The following TRPC3 variants were observed in gnomAD, a reference collection of about 807,000 sequenced individuals.
The protein encoded by TRPC3 is transient receptor potential cation channel subfamily C member 3.
TRPC3 carries 54 observed loss-of-function variants against 90.9 expected under a neutral mutation model. That is an observed-to-expected ratio of 0.59 (90% CI 0.48 to 0.75). TRPC3 has a LOEUF of 0.75. Among genes scored for constraint, TRPC3 ranks in the 30% least tolerant of loss-of-function variants. TRPC3 has a pLI of 0.00. For synonymous variants in TRPC3, 424 were observed against 450.9 expected, an observed-to-expected ratio of 0.94 and a Z score of 0.75; for missense variants, 918 against 1,194.5, an observed-to-expected ratio of 0.77 and a Z score of 3.41.
chr4:121,915,899 G>T (rs1729300769), intron 3 of TRPC3, among the ~76,000 whole-genome samples: 1 of 152,054 alleles, frequency 6.6e-6, no homozygotes, highest in East Asian at 1.9e-4. Flanking sequence ...TCCAAGCTCA[G>T]GAATTCAAAA....
intron 3 of TRPC3, among the ~76,000 whole-genome samples, chr4:121,921,864 A>G (rs1729524404): frequency 1.3e-5 from 2 of 149,232 alleles, no homozygotes; most frequent in African/African-American, 4.9e-5. Context: ...GAGAATGAAG[A>G]TGGGTGAGTG....
At chr4:121,944,116 C>G (rs997911596) in intron 1 of TRPC3, among the ~76,000 whole-genome samples, 1 of 152,104 alleles carries the variant, frequency 6.6e-6, no homozygotes, top group African/African-American at 2.4e-5. Context: ...TATGTGTTCA[C>G]CCAGCACAGC....
chr4:121,922,302 T>G (rs963783965), intron 3 of TRPC3, among the ~76,000 whole-genome samples: 1 of 152,174 alleles, frequency 6.6e-6, no homozygotes. Flanking sequence ...CTTACACACA[T>G]TTATTATTCT....
In TRPC3 at chr4:121,875,924, G is replaced by T. The variant is rs1233503969; in HGVS notation, c.*3812C>A. On this transcript the variant is annotated 3_prime_UTR_variant, in exon 12 of 12. Transcript: ENST00000379645. ...TTTTTTTTTTTTTTTTTTGTGGGGGGTGGTTCACTTTGTCACCCAGGCTGG... is the reference window on the plus strand; with the variant it reads ...TTTTTTTTTTTTTTTTTTGTGGGGGTTGGTTCACTTTGTCACCCAGGCTGG... Among the ~76,000 whole-genome samples the T allele has an allele frequency of 2.3e-5, 3 of 131,092 alleles. No individual in the cohort carries two copies. The Admixed American group carries it at 2.5e-4, about 11-fold the overall frequency. The allele number at this position is 131,092 out of a possible 152,430, so 86.0% of individuals were successfully genotyped here. A position where few individuals can be genotyped will look rare whatever the true frequency, so the allele number is the denominator to read the frequency against.
At chr4:121,909,863 A>T (rs1466420392) in intron 6 of TRPC3, among the ~76,000 whole-genome samples, 1 of 151,930 alleles carries the variant, frequency 6.6e-6, no homozygotes, top group African/African-American at 2.4e-5. Context: ...AATAGTAATT[A>T]TCTTATAGGC....
At chr4:121,883,547 T>C (rs1728012500) in intron 10 of TRPC3, among the ~76,000 whole-genome samples, 1 of 152,144 alleles carries the variant, frequency 6.6e-6, no homozygotes, top group Non-Finnish European at 1.5e-5. Flanking sequence ...CAAACTCTGT[T>C]GCAGGGAAAT....
intron 10 of TRPC3, among the ~76,000 whole-genome samples, chr4:121,894,180 T>C (rs946850446): frequency 5.9e-5 from 9 of 152,102 alleles, no homozygotes; most frequent in Non-Finnish European, 8.8e-5. Context: ...AATAAAAGAA[T>C]GATTAAATAA....
intron 10 of TRPC3, among the ~76,000 whole-genome samples, chr4:121,883,060 T>A (rs1727996444): frequency 6.6e-6 from 1 of 152,148 alleles, no homozygotes; most frequent in Non-Finnish European, 1.5e-5. Context: ...TCTAAATAAA[T>A]GCTCTTCTAG....
At chr4:121,924,503 C>T (rs1410172692) in intron 3 of TRPC3, among the ~76,000 whole-genome samples, 1 of 152,036 alleles carries the variant, frequency 6.6e-6, no homozygotes, top group African/African-American at 2.4e-5. Context: ...AACTTTACCC[C>T]CCACAAAAAA....
At chr4:121,887,999 AT>A (rs35430221) in intron 10 of TRPC3, among the ~76,000 whole-genome samples, 377 of 148,520 alleles carry the variant, frequency 2.5e-3, no homozygotes, top group Non-Finnish European at 4.0e-3. Flanking sequence ...CATTTTTGGT[AT>A]TTTTTTTTTT....
chr4:121,933,196 G>T (rs1730015642), intron 1 of TRPC3, 154 bp from the exon 2 acceptor site: 1 of 1,334,126 alleles, frequency 7.5e-7, no homozygotes, highest in East Asian at 2.8e-5. Flanking sequence ...CTAACTACTC[G>T]CCTGAAAGTG....
At chr4:121,937,463 GGT>G (rs1730168544) in intron 1 of TRPC3, among the ~76,000 whole-genome samples, 1 of 152,266 alleles carries the variant, frequency 6.6e-6, no homozygotes, top group African/African-American at 2.4e-5. Flanking sequence ...TTTAAAATTT[GGT>G]CTCCAGGAAG....
chr4:121,932,593 G>A lies in TRPC3; in HGVS notation c.665C>T (p.Ala222Val). ...GAAGCGCGTGCCGTCCTCGTCGTAA[G>A]CGTAGAAGTCGTCGTCCTGCAGCTC... ...EQELQDDDFY[A>V]YDEDGTRFSP... Residue 222 changes from alanine to valine, a missense_variant, in exon 2 of 12, where the codon GCT becomes GTT. By Grantham distance (64) the Ala-to-Val change is moderately conservative. Around this residue, in one of 4 missense-constraint regions of TRPC3, gnomAD observed 609 missense variants for 725.9 expected, o/e 0.84. Coordinates refer to ENST00000379645, the MANE Select transcript of TRPC3 (RefSeq NM_001130698.2). This position sits in a 1 kb window ranked among gnomAD's most constrained non-coding sequence, Gnocchi z 7.7. The A allele has an allele frequency of 4.3e-6, 7 of 1,614,148 alleles. No individual in the cohort carries two copies. Among genetic ancestry groups the A allele is most frequent in the Non-Finnish European group, 5.1e-6 (6 of 1,179,988 alleles).
At chr4:121,882,555 G>A (rs764268495) in intron 10 of TRPC3, 126 bp from the exon 11 acceptor site, 4 of 680,834 alleles carry the variant, frequency 5.9e-6, no homozygotes, top group Non-Finnish European at 9.0e-6. Flanking sequence ...TTATAACTAT[G>A]TATAGAAAAA....
At position 121,951,387 on chromosome 4, in the gene TRPC3, G is replaced by GCCGCCCGGCGCGCGCCTTCCCGCCCC. The variant is rs1730741040; in HGVS notation, c.215+53_215+78dup. On this transcript the variant is annotated intron_variant, in intron 1 of 11. Transcript: ENST00000379645. This position sits in a 1 kb window ranked among gnomAD's most constrained non-coding sequence, Gnocchi z 4.4. ...TCGGAGGTCCCGGGCTCGACGTGGA[G>GCCGCCCGGCGCGCGCCTTCCCGCCCC]CCGCCCGGCGCGCGCCTTCCCGCCC... is the stretch of plus-strand genomic sequence containing the variant. 1.3e-5 allele frequency: 13 copies of GCCGCCCGGCGCGCGCCTTCCCGCCCC among 996,584 alleles called. No homozygotes were observed. The highest frequency in any genetic ancestry group is 1.6e-5 in the Non-Finnish European group (13 of 804,698). 61.7% of individuals were successfully genotyped at this position (996,584 alleles called of 1,614,324 possible).
chr4:121,890,541 A>T (rs1728288661), intron 10 of TRPC3, among the ~76,000 whole-genome samples: 1 of 152,188 alleles, frequency 6.6e-6, no homozygotes. Flanking sequence ...TGAATAGGGA[A>T]AAAATGGTAG....
At chr4:121,904,281 G>C in intron 8 of TRPC3, 41 bp downstream of exon 8, 2 of 1,549,004 alleles carry the variant, frequency 1.3e-6, no homozygotes, top group Non-Finnish European at 1.7e-6. Flanking sequence ...TATCAGAATA[G>C]GATGACAAGG....
chr4:121,882,894 T>C (rs1727990979), intron 10 of TRPC3, among the ~76,000 whole-genome samples: 1 of 152,128 alleles, frequency 6.6e-6, no homozygotes, highest in African/African-American at 2.4e-5. Context: ...AGATAATCAC[T>C]GTTTTCATTT....
chr4:121,942,110 A>T (rs530293371), intron 1 of TRPC3, among the ~76,000 whole-genome samples: 14 of 152,308 alleles, frequency 9.2e-5, no homozygotes, highest in Non-Finnish European at 1.6e-4. Context: ...AAAGATTCTC[A>T]TCATTCCCAC....
Sources: gnomAD v4.1 joint callset for allele counts (sites outside exome capture counted in the v4.1 genomes callset) on GRCh38, gnomAD v4.1.1 for gene constraint, gnomAD v4.1.1 regional missense constraint, Gnocchi (gnomAD v3.1) non-coding constraint, MANE v1.5 for transcripts, NCBI Gene and HGNC (gene_info 2026-07-23, HGNC 2026-07-21) for gene names.